Variants in CCDC30 observed in about 807,000 individuals in gnomAD.
CCDC30 encodes the protein coiled-coil domain containing 30.
CCDC30 carries 70 observed loss-of-function variants against 100.2 expected under a neutral mutation model. The observed-to-expected ratio is 0.70, with a 90% confidence interval of 0.58 to 0.85. The LOEUF (loss-of-function observed/expected upper bound fraction) is 0.85. CCDC30 is among the 40% of genes least tolerant of loss of function. CCDC30 has a pLI of 0.00. For synonymous variants in CCDC30, 233 were observed against 269.5 expected (o/e 0.86, Z 1.33); for missense variants, 652 against 771.2 (o/e 0.85, Z 1.83).
chr1:42,558,724 C>T (rs1645424053), intron 6 of CCDC30, among the ~76,000 whole-genome samples: 1 of 152,168 alleles, frequency 6.6e-6, no homozygotes, highest in African/African-American at 2.4e-5. Flanking sequence ...AAACACACTT[C>T]AGGATATTAT....
At chr1:42,590,579 A>G (rs940790403) in intron 10 of CCDC30, 3 of 152,198 alleles carry the variant, frequency 2.0e-5, no homozygotes, top group African/African-American at 4.8e-5. Context: ...TGTCTCAACA[A>G]AAAAATAATT....
intron 11 of CCDC30, among the ~76,000 whole-genome samples, chr1:42,628,686 T>C (rs939835008): frequency 6.6e-6 from 1 of 152,126 alleles, no homozygotes; most frequent in Non-Finnish European, 1.5e-5. Flanking sequence ...CTCTTCCCCA[T>C]TTTCTCTTGC....
intron 10 of CCDC30, 104 bp downstream of exon 14, chr1:42,589,587 G>C (rs1222154852): frequency 1.0e-6 from 1 of 998,512 alleles, no homozygotes; most frequent in Non-Finnish European, 1.5e-6. Flanking sequence ...CCTTTAGTCA[G>C]GGTTCAGTCA....
At chr1:42,500,279 T>G in intron 6 of CCDC30, 2 of 1,610,840 alleles carry the variant, frequency 1.2e-6, no homozygotes, top group Non-Finnish European at 1.7e-6. Flanking sequence ...TGCGTCTCTG[T>G]CTTCTTCAGT....
At chr1:42,545,108 A>C (rs1169818530) in intron 6 of CCDC30, among the ~76,000 whole-genome samples, 1 of 149,376 alleles carries the variant, frequency 6.7e-6, no homozygotes, top group Admixed American at 6.7e-5. Flanking sequence ...AAAAGGTATA[A>C]CCAAATGCTA....
rs3748846 is a variant in CCDC30, at chr1:42,473,350, C to G, written c.-91-7111C>G. On this transcript the variant is annotated intron_variant, in intron 1 of 16. Coordinates refer to ENST00000668663, the Ensembl canonical transcript of CCDC30. ...TTTTAAAGACACCTGTGATTTTGTT[C>G]ATTGCCCTTCATTAAATTGACATAT... is the stretch of plus-strand genomic sequence containing the variant. 0.16 allele frequency: 163,877 copies of G among 1,036,594 alleles called. 12,892 individuals carry two copies. The highest frequency in any genetic ancestry group is 0.17 in the East Asian group (5,249 of 30,784). The allele number at this position is 1,036,594 out of a possible 1,614,324, so 64.2% of individuals were successfully genotyped here. A position where few individuals can be genotyped will look rare whatever the true frequency, so the allele number is the denominator to read the frequency against.
chr1:42,531,066 G>A (rs1471541162), intron 6 of CCDC30, among the ~76,000 whole-genome samples: 1 of 152,194 alleles, frequency 6.6e-6, no homozygotes, highest in Non-Finnish European at 1.5e-5. Flanking sequence ...CCCCAATGTT[G>A]GAGGAGTGGC....
intron 1 of CCDC30, among the ~76,000 whole-genome samples, chr1:42,465,222 G>C (rs1304236785): frequency 6.6e-6 from 1 of 152,088 alleles, no homozygotes; most frequent in Non-Finnish European, 1.5e-5. Flanking sequence ...GAGGTGGGAG[G>C]ATCACTTGAT....
intron 6 of CCDC30, among the ~76,000 whole-genome samples, chr1:42,511,759 G>C (rs539391581): frequency 3.1e-4 from 47 of 152,280 alleles, no homozygotes; most frequent in Admixed American, 1.2e-3. Flanking sequence ...TCATGGAGAG[G>C]ATTTTTATTC....
chr1:42,601,606 G>C (rs574818823), intron 10 of CCDC30, among the ~76,000 whole-genome samples: 1 of 152,276 alleles, frequency 6.6e-6, no homozygotes, highest in South Asian at 2.1e-4. Flanking sequence ...GCAAACCTTG[G>C]CTTAAGGCAC....
chr1:42,551,742 GGTGTGTGTGTGT>G lies in CCDC30; in HGVS notation c.457-14532_457-14521del, dbSNP rs34048456. On this transcript the variant is annotated intron_variant, in intron 6 of 16. Transcript: ENST00000668663. ...TATACCTTTTGAAAGGATAAATTCTGGTGTGTGTGTGTGTGTGTGTGTGTGTGTGTGTGACTG... is the reference window on the plus strand; with the variant it reads ...TATACCTTTTGAAAGGATAAATTCTGGTGTGTGTGTGTGTGTGTGTGACTG... 1.7e-4 allele frequency among the ~76,000 whole-genome samples: 25 copies of G among 144,592 alleles called. 1 individual carries two copies. The East Asian group carries it at 4.3e-3, about 25-fold the overall frequency. The allele number at this position is 144,592 out of a possible 152,430, so 94.9% of individuals were successfully genotyped here.
At chr1:42,575,837 C>T (rs1645826292) in intron 7 of CCDC30, among the ~76,000 whole-genome samples, 1 of 151,976 alleles carries the variant, frequency 6.6e-6, no homozygotes, top group Non-Finnish European at 1.5e-5. Flanking sequence ...CTGAAAATTG[C>T]CCCCTGCAAA....
At chr1:42,538,694 C>CTACA (rs1375552124) in intron 6 of CCDC30, among the ~76,000 whole-genome samples, 1 of 152,190 alleles carries the variant, frequency 6.6e-6, no homozygotes, top group Non-Finnish European at 1.5e-5. Context: ...TACTTCCTGG[C>CTACA]TATGTGAATT....
intron 1 of CCDC30, among the ~76,000 whole-genome samples, chr1:42,471,967 A>T (rs746083637): frequency 1.5e-4 from 23 of 152,240 alleles, no homozygotes; most frequent in South Asian, 6.2e-4. Context: ...TTTGGGTCAG[A>T]TTAACTTGGT....
chr1:42,562,707 A>C (rs912237765), intron 6 of CCDC30, among the ~76,000 whole-genome samples: 1 of 152,232 alleles, frequency 6.6e-6, no homozygotes, highest in Non-Finnish European at 1.5e-5. Flanking sequence ...CCATCTACCT[A>C]TCTGACAAAG....
At chr1:42,516,571 C>CCA (rs370795543) in intron 6 of CCDC30, among the ~76,000 whole-genome samples, 1 of 102,162 alleles carries the variant, frequency 9.8e-6, no homozygotes, top group Non-Finnish European at 1.9e-5. Flanking sequence ...GACTCCATCT[C>CCA]AAAAAAAAAA....
chr1:42,535,719 A>ATAT (rs1557832937), intron 6 of CCDC30, among the ~76,000 whole-genome samples: 3 of 97,728 alleles, frequency 3.1e-5, no homozygotes, highest in East Asian at 2.5e-4. Flanking sequence ...TTATATATAT[A>ATAT]AATTTTAAAA....
Position 42,536,848 on chromosome 1 carries a change from A to G in CCDC30, c.457-29448A>G. 3 of 444,972 alleles carry G rather than the reference A, an allele frequency of 6.7e-6. No homozygotes were observed. In the South Asian group the frequency reaches 8.6e-5, roughly 13 times the overall value. 27.6% of individuals were successfully genotyped at this position (444,972 alleles called of 1,614,324 possible). ...TTCTCTTCCTGGCTTGCAGATGGCC[A>G]CCTTCTTGCTGTGTCCTCACATGAC... On this transcript the variant is annotated intron_variant, in intron 6 of 16. Transcript: ENST00000668663.
chr1:42,625,484 T>C (rs573684141), intron 11 of CCDC30, among the ~76,000 whole-genome samples: 1 of 152,240 alleles, frequency 6.6e-6, no homozygotes, highest in South Asian at 2.1e-4. Flanking sequence ...TGCAGGTTTT[T>C]TTTTATGTAG....
Sources: allele counts gnomAD v4.1 joint callset (sites outside exome capture counted in the v4.1 genomes callset), GRCh38; gene constraint gnomAD v4.1.1; transcripts MANE v1.5; gene names NCBI Gene and HGNC (gene_info 2026-07-23, HGNC 2026-07-21).